STEAP3: variants seen among roughly 807,000 people sequenced by gnomAD.
STEAP3 encodes the protein metalloreductase STEAP3.
Under a neutral mutation model 34.9 loss-of-function variants are expected in STEAP3, and 35 were observed. The observed-to-expected ratio is 1.00, with a 90% CI of 0.76 to 1.33. The LOEUF (loss-of-function observed/expected upper bound fraction) is 1.33. Among genes scored for constraint, STEAP3 ranks in the 40% most tolerant of loss-of-function variants. The pLI, the probability that STEAP3 is intolerant of heterozygous loss-of-function variation, is 0.00. For synonymous variants in STEAP3, 281 were observed against 301.6 expected (o/e 0.93, Z 0.71); for missense variants, 652 against 667.6 (o/e 0.98, Z 0.26).
intron 4 of STEAP3, among the ~76,000 whole-genome samples, chr2:119,249,842 TCAGG>T (rs1677571386): frequency 6.6e-6 from 1 of 152,118 alleles, no homozygotes; most frequent in African/African-American, 2.4e-5. Flanking sequence ...ACCCCAGACT[TCAGG>T]CAGAAAAGCA....
chr2:119,228,580 G>A (rs1281420586), intron 1 of STEAP3, among the ~76,000 whole-genome samples: 1 of 152,174 alleles, frequency 6.6e-6, no homozygotes, highest in Admixed American at 6.5e-5. Context: ...GGAACTGGAA[G>A]GGAAGGAAGC....
At chr2:119,258,366 T>C (rs1187771051) in intron 5 of STEAP3, among the ~76,000 whole-genome samples, 8 of 152,234 alleles carry the variant, frequency 5.3e-5, no homozygotes, top group African/African-American at 1.7e-4. Flanking sequence ...ATCCCGTGAC[T>C]AGCAACGTTT....
rs372658109 is a variant in STEAP3, at chr2:119,247,939, C to T, written c.783C>T (p.Pro261=). 138 of 1,613,572 alleles carry T rather than the reference C, an allele frequency of 8.6e-5. No individual in the cohort carries two copies. The highest frequency in any genetic ancestry group is 1.1e-4 in the Non-Finnish European group (124 of 1,180,006). The change falls in exon 4 of 6, where the codon CCC becomes CCT. Residue 261 remains proline (P), a synonymous_variant. Coordinates refer to ENST00000393110, the MANE Select transcript of STEAP3 (RefSeq NM_182915.3). Reference sequence around the variant, plus strand: ...GCCAGAACAAGTTCTTCAAGCTGCCCGTGTCCGTGGTCAACACCACACTGC... The same window carrying T: ...GCCAGAACAAGTTCTTCAAGCTGCCTGTGTCCGTGGTCAACACCACACTGC... ...QESQNKFFKL[P]VSVVNTTLPC... is the part of the protein sequence containing the mutation.
chr2:119,226,382 C>T (rs1456714710), intron 1 of STEAP3, among the ~76,000 whole-genome samples: 1 of 152,206 alleles, frequency 6.6e-6, no homozygotes, highest in African/African-American at 2.4e-5. Flanking sequence ...GCATCTAGAC[C>T]AGGGAGTTGC....
intron 5 of STEAP3, among the ~76,000 whole-genome samples, chr2:119,260,585 C>T (rs1384230949): frequency 2.6e-5 from 4 of 152,180 alleles, no homozygotes; most frequent in South Asian, 2.1e-4. Flanking sequence ...CGTGAGCCAC[C>T]GCACCCAGCC....
chr2:119,245,394 G>T, intron 2 of STEAP3, 95 bp from the exon 3 acceptor site: 1 of 1,499,194 alleles, frequency 6.7e-7, no homozygotes, highest in Non-Finnish European at 8.9e-7. Context: ...GTGAATGTCT[G>T]ACTGCCGTGT....
At chr2:119,227,667 G>A (rs573968316) in intron 1 of STEAP3, among the ~76,000 whole-genome samples, 10 of 152,236 alleles carry the variant, frequency 6.6e-5, no homozygotes, top group African/African-American at 2.4e-4. Flanking sequence ...GCCGACTTCG[G>A]TACATATAAA....
chr2:119,242,755 C>T (rs1677286586), intron 2 of STEAP3, among the ~76,000 whole-genome samples: 2 of 152,192 alleles, frequency 1.3e-5, no homozygotes, highest in Non-Finnish European at 2.9e-5. Flanking sequence ...CATGGTCTCC[C>T]TTTTATAGCT....
intron 4 of STEAP3, 143 bp from the exon 5 acceptor site, chr2:119,254,541 G>C (rs1427886541): frequency 1.1e-6 from 1 of 874,810 alleles, no homozygotes; most frequent in African/African-American, 1.7e-5. Flanking sequence ...GTTAATGCCT[G>C]AGAAACGCTT....
chr2:119,250,122 A>G (rs1000705485), intron 4 of STEAP3, among the ~76,000 whole-genome samples: 1 of 152,236 alleles, frequency 6.6e-6, no homozygotes, highest in African/African-American at 2.4e-5. Context: ...TTCCAGATCC[A>G]TGCTTATACC....
intron 2 of STEAP3, among the ~76,000 whole-genome samples, chr2:119,234,015 G>A (rs1677018520): frequency 6.6e-6 from 1 of 152,218 alleles, no homozygotes; most frequent in Non-Finnish European, 1.5e-5. Context: ...GGGCAGGGGA[G>A]GGCCCCTCCG....
chr2:119,256,487 C>T (rs890507790), intron 5 of STEAP3, among the ~76,000 whole-genome samples: 15 of 152,210 alleles, frequency 9.9e-5, no homozygotes, highest in Non-Finnish European at 1.9e-4. Context: ...ACCAGAAAGC[C>T]GCTCCCTTAA....
intron 5 of STEAP3, among the ~76,000 whole-genome samples, chr2:119,258,910 C>T (rs1257855521): frequency 3.6e-5 from 4 of 112,588 alleles, no homozygotes; most frequent in Non-Finnish European, 7.1e-5. Context: ...GCGTGAGCCA[C>T]CGCACCCAGC....
At chr2:119,231,206 A>G (rs909291214) in intron 2 of STEAP3, among the ~76,000 whole-genome samples, 172 bp downstream of exon 2, 1 of 152,228 alleles carries the variant, frequency 6.6e-6, no homozygotes, top group African/African-American at 2.4e-5. Context: ...AACAGGCTGC[A>G]AAAAGTGCAG....
intron 5 of STEAP3, among the ~76,000 whole-genome samples, chr2:119,261,420 C>A (rs866649905): frequency 6.6e-6 from 1 of 152,110 alleles, no homozygotes; most frequent in Non-Finnish European, 1.5e-5. Flanking sequence ...GATGGGTCAT[C>A]GCTATTTCCA....
intron 2 of STEAP3, among the ~76,000 whole-genome samples, chr2:119,240,026 A>T (rs1677201345): frequency 6.6e-6 from 1 of 152,178 alleles, no homozygotes; most frequent in Admixed American, 6.6e-5. Context: ...CAGACAAAAA[A>T]AATTTTTTTT....
At chr2:119,247,266 C>T (rs1677457688) in intron 3 of STEAP3, among the ~76,000 whole-genome samples, 1 of 152,182 alleles carries the variant, frequency 6.6e-6, no homozygotes, top group East Asian at 1.9e-4. Flanking sequence ...GCTGCAGCCA[C>T]AGCTGCCCAT....
rs140239610 is a variant in STEAP3, at chr2:119,263,308, C to T, written c.1467C>T (p.His489=). 5 of 1,613,476 alleles carry T rather than the reference C, an allele frequency of 3.1e-6. No individual in the cohort carries two copies. The highest frequency in any genetic ancestry group is 1.3e-5 in the African/African-American group (1 of 74,894). ...TCAAGTTCACGCTGCCCACAGACCA[C>T]GCCCTGGCCGAGAAGACGAGCCACG... ...STIKFTLPTD[H]ALAEKTSHV The change falls in exon 6 of 6, where the codon CAC becomes CAT. Residue 489 remains histidine, a synonymous_variant. Coordinates refer to ENST00000393110, the MANE Select transcript of STEAP3 (RefSeq NM_182915.3).
chr2:119,256,912 T>C (rs929661462), intron 5 of STEAP3, among the ~76,000 whole-genome samples: 1 of 152,210 alleles, frequency 6.6e-6, no homozygotes, highest in Non-Finnish European at 1.5e-5. Flanking sequence ...AGTAAGAGAT[T>C]ATGTGTGAAA....
Sources: gnomAD v4.1 joint callset for allele counts (sites outside exome capture counted in the v4.1 genomes callset) on GRCh38, gnomAD v4.1.1 for gene constraint, MANE v1.5 for transcripts, NCBI Gene and HGNC (gene_info 2026-07-23, HGNC 2026-07-21) for gene names.